Variants in SEMA6D observed in about 807,000 individuals in gnomAD.
The protein encoded by SEMA6D is semaphorin-6D.
SEMA6D carries 35 observed loss-of-function variants against 106.6 expected under a neutral mutation model. The ratio of observed to expected loss-of-function variants is 0.33; its 90% CI spans 0.25 to 0.44. SEMA6D has a LOEUF of 0.44. SEMA6D is among the 20% of genes least tolerant of loss of function. The pLI is 1.00. For missense variants in SEMA6D, 1,185 were observed against 1,345.9 expected, an observed-to-expected ratio of 0.88 and a Z score of 1.87; for synonymous variants, 499 against 487.7, an observed-to-expected ratio of 1.02 and a Z score of -0.31.
rs772624008 is a variant in SEMA6D at position 47,761,356 on chromosome 15, A to G, written c.372A>G (p.Val124=). 2.1e-5 allele frequency: 34 copies of G among 1,613,218 alleles called. No individual in the cohort carries two copies. In the South Asian group the frequency reaches 3.5e-4, roughly 17 times the overall value. ...HKDECHNFIK[V]FVPRNDEMVF... is the part of the protein sequence containing the mutation. ...ATGAATGCCACAACTTTATCAAAGT[A>G]TTTGTTCCAAGAAACGATGAGATGG... is the stretch of plus-strand genomic sequence containing the variant. Residue 124 remains valine (V), a synonymous_variant, in exon 6 of 19, where the codon GTA becomes GTG. Coordinates refer to ENST00000536845, the MANE Select transcript of SEMA6D (RefSeq NM_001358351.3).
chr15:47,632,079 A>G (rs2077302693), intron 4 of SEMA6D, among the ~76,000 whole-genome samples: 2 of 151,792 alleles, frequency 1.3e-5, no homozygotes, highest in African/African-American at 4.8e-5. Flanking sequence ...ATTTTCAAGT[A>G]TTTGGAGATT....
intron 1 of SEMA6D, among the ~76,000 whole-genome samples, chr15:47,290,531 TTAAA>T (rs2035551955): frequency 6.6e-6 from 1 of 152,030 alleles, no homozygotes; most frequent in African/African-American, 2.4e-5. Context: ...AATCCAAACT[TTAAA>T]TACATATAAA....
intron 3 of SEMA6D, among the ~76,000 whole-genome samples, chr15:47,517,393 C>CGT (rs1319516579): frequency 6.6e-6 from 1 of 151,758 alleles, no homozygotes; most frequent in Non-Finnish European, 1.5e-5. Context: ...TGAGTGTGTG[C>CGT]GTGTGTGTGT....
Position 47,759,858 on chromosome 15 carries a change from A to C in SEMA6D, c.60A>C (p.Ala20=), listed in dbSNP as rs779472076. ...ILLLMVSQLR[A]VSFPEDDEPL... is the part of the protein sequence containing the mutation. ...TGCTGATGGTTTCCCAGTTGAGGGC[A>C]GTCAGCTTTCCTGAAGATGATGAAC... The change falls in exon 2 of 19, where the codon GCA becomes GCC. Residue 20 remains alanine, a synonymous_variant. Coordinates refer to ENST00000536845, the MANE Select transcript of SEMA6D (RefSeq NM_001358351.3). 1 of 1,613,812 alleles carries C rather than the reference A, an allele frequency of 6.2e-7. No homozygotes were observed. Among genetic ancestry groups the C allele is most frequent in the South Asian group, 1.1e-5 (1 of 91,086 alleles).
At chr15:47,219,488 CT>C (rs2030986352) in intron 1 of SEMA6D, among the ~76,000 whole-genome samples, 1 of 152,184 alleles carries the variant, frequency 6.6e-6, no homozygotes, top group Non-Finnish European at 1.5e-5. Flanking sequence ...CTGGTATGTT[CT>C]ACCTGGGTCT....
chr15:47,591,776 GCTT>G (rs2076444820), intron 3 of SEMA6D, among the ~76,000 whole-genome samples: 1 of 152,196 alleles, frequency 6.6e-6, no homozygotes, highest in Non-Finnish European at 1.5e-5. Context: ...GAGTACAGCA[GCTT>G]CAGGATGTTG....
At chr15:47,441,190 T>C (rs1279574395) in intron 2 of SEMA6D, among the ~76,000 whole-genome samples, 1 of 152,138 alleles carries the variant, frequency 6.6e-6, no homozygotes, top group Non-Finnish European at 1.5e-5. Flanking sequence ...ATAGATCACC[T>C]GTCCTTCCAG....
At chr15:47,747,236 CAAA>C (rs1383582134) in intron 1 of SEMA6D, among the ~76,000 whole-genome samples, 2 of 152,038 alleles carry the variant, frequency 1.3e-5, no homozygotes, top group Non-Finnish European at 2.9e-5. Flanking sequence ...GGCAGAAAGG[CAAA>C]AACTTGTAGG....
intron 1 of SEMA6D, among the ~76,000 whole-genome samples, chr15:47,257,271 A>G (rs1038826990): frequency 2.2e-4 from 34 of 152,046 alleles, no homozygotes; most frequent in African/African-American, 8.0e-4. Flanking sequence ...GTTAGCTAGT[A>G]TGGTCTCCAT....
intron 1 of SEMA6D, among the ~76,000 whole-genome samples, chr15:47,202,564 G>A (rs1248228351): frequency 1.3e-5 from 2 of 152,142 alleles, no homozygotes; most frequent in Non-Finnish European, 2.9e-5. Context: ...GGGGAGAAGA[G>A]ATGCAAGACC....
At chr15:47,421,110 A>G (rs1260149923) in intron 2 of SEMA6D, among the ~76,000 whole-genome samples, 1 of 152,158 alleles carries the variant, frequency 6.6e-6, no homozygotes, top group Non-Finnish European at 1.5e-5. Context: ...AACTTTTCTT[A>G]ACAGTTAAAA....
intron 2 of SEMA6D, among the ~76,000 whole-genome samples, chr15:47,443,256 C>G (rs1448840302): frequency 6.6e-6 from 1 of 152,108 alleles, no homozygotes; most frequent in Admixed American, 6.5e-5. Context: ...TGAAACTTGG[C>G]AAGCTGTTAC....
At chr15:47,351,582 A>C (rs1288969132) in intron 1 of SEMA6D, among the ~76,000 whole-genome samples, 2 of 152,198 alleles carry the variant, frequency 1.3e-5, no homozygotes, top group Non-Finnish European at 1.5e-5. Flanking sequence ...GGCTAGTTTT[A>C]GACCTTCTTC....
At chr15:47,706,569 A>G (rs1048973360) in intron 4 of SEMA6D, among the ~76,000 whole-genome samples, 3 of 152,222 alleles carry the variant, frequency 2.0e-5, no homozygotes, top group Non-Finnish European at 4.4e-5. Flanking sequence ...GTTCCTGGCA[A>G]TGTAAGTACC....
intron 3 of SEMA6D, among the ~76,000 whole-genome samples, chr15:47,478,579 A>C (rs1399083531): frequency 2.0e-5 from 3 of 152,182 alleles, no homozygotes; most frequent in Non-Finnish European, 2.9e-5. Context: ...CAAAGAGCCA[A>C]GGGCAGGGTG....
chr15:47,770,747 C>T lies in SEMA6D; in HGVS notation c.2184C>T (p.Tyr728=), dbSNP rs1023480601. The T allele has an allele frequency of 6.2e-7, 1 of 1,614,082 alleles. No homozygotes were observed. Among genetic ancestry groups the T allele is most frequent in the Non-Finnish European group, 8.5e-7 (1 of 1,179,998 alleles). The part of the protein sequence containing the change: ...NGLFDSPVKE[Y]QQNIDSPKLY... Reference sequence around the variant, plus strand: ...TCTTTGACAGCCCTGTCAAGGAATACCAACAGAATATTGATTCTCCTAAAC... The same window carrying T: ...TCTTTGACAGCCCTGTCAAGGAATATCAACAGAATATTGATTCTCCTAAAC... Residue 728 remains tyrosine, a synonymous_variant, in exon 19 of 19, where the codon TAC becomes TAT. Transcript: ENST00000536845.
chr15:47,760,244 G>A lies in SEMA6D; in HGVS notation c.110-60G>A. ...CAAGTATATACAGCTAATCAATGCTGTTTATTGATCCCTCAGCTCCATAAT... is the reference window on the plus strand; with the variant it reads ...CAAGTATATACAGCTAATCAATGCTATTTATTGATCCCTCAGCTCCATAAT... On this transcript the variant is annotated intron_variant, in intron 2 of 18. Coordinates refer to ENST00000536845, the MANE Select transcript of SEMA6D (RefSeq NM_001358351.3). 2.5e-6 allele frequency: 3 copies of A among 1,207,418 alleles called. No homozygotes were observed. In the South Asian group the frequency reaches 3.8e-5, roughly 15 times the overall value. 74.8% of individuals were successfully genotyped at this position (1,207,418 alleles called of 1,614,324 possible). A position where few individuals can be genotyped will look rare whatever the true frequency, so the allele number is the denominator to read the frequency against.
At chr15:47,492,247 A>C (rs987557064) in intron 3 of SEMA6D, among the ~76,000 whole-genome samples, 1 of 152,216 alleles carries the variant, frequency 6.6e-6, no homozygotes, top group African/African-American at 2.4e-5. Flanking sequence ...AGATAAATCT[A>C]AATTAGACTG....
intron 1 of SEMA6D, among the ~76,000 whole-genome samples, chr15:47,327,963 C>A (rs1381562204): frequency 6.6e-6 from 1 of 152,142 alleles, no homozygotes; most frequent in African/African-American, 2.4e-5. Context: ...TCATTATCTC[C>A]ATTTTATAAA....
Sources: gnomAD v4.1 joint callset for allele counts (sites outside exome capture counted in the v4.1 genomes callset) on GRCh38, gnomAD v4.1.1 for gene constraint, MANE v1.5 for transcripts, NCBI Gene and HGNC (gene_info 2026-07-23, HGNC 2026-07-21) for gene names.